Variants in KCNQ1OT1 observed in about 807,000 individuals in gnomAD.
KCNQ1OT1 encodes the protein KCNQ1 antisense RNA 2 (non-protein coding).
At chr11:2,656,711 G>A (rs1849855739) in exon 1 of KCNQ1OT1, 2 of 398,290 alleles carry the variant, frequency 5.0e-6, no homozygotes, top group Admixed American at 4.4e-5. Flanking sequence ...TTTGATGATT[G>A]GGTCTTAACT....
In KCNQ1OT1 at chr11:2,651,360, T is replaced by C. The variant is rs901428651; in HGVS notation, n.48635A>G. The C allele has an allele frequency of 2.8e-5, 11 of 398,734 alleles. No individual in the cohort carries two copies. The highest frequency in any genetic ancestry group is 8.8e-5 in the Admixed American group (2 of 22,740). The allele number at this position is 398,734 out of a possible 1,614,324, so 24.7% of individuals were successfully genotyped here. ...GCGGCTGAGAGAGCTGGGGTATTTA[T>C]CTTTCACTAGTGAGTGCTGCCCCGG... On this transcript the variant is annotated non_coding_transcript_exon_variant, in exon 1 of 1. Transcript: ENST00000597346. This position sits in a 1 kb window ranked among gnomAD's most constrained non-coding sequence, Gnocchi z 6.1.
exon 1 of KCNQ1OT1, chr11:2,688,582 T>C (rs1172225707): frequency 5.0e-6 from 2 of 398,590 alleles, no homozygotes; most frequent in Non-Finnish European, 4.4e-6. Flanking sequence ...CAGCCAGTGC[T>C]CGCTCACTGA....
Position 2,620,271 on chromosome 11 carries a change from C to T in KCNQ1OT1, n.79724G>A, listed in dbSNP as rs1284473352. 2 of 223,050 alleles carry T rather than the reference C, an allele frequency of 9.0e-6. No homozygotes were observed. Among genetic ancestry groups the T allele is most frequent in the Non-Finnish European group, 1.7e-5 (2 of 118,524 alleles). The allele number at this position is 223,050 out of a possible 1,614,324, so 13.8% of individuals were successfully genotyped here. ...CGCTCTTGTTGCCCAGGCTGGAGGG[C>T]AATGGCATGATCTCGGCTCACTGCA... On this transcript the variant is annotated non_coding_transcript_exon_variant, in exon 1 of 1. Transcript: ENST00000597346. This position sits in a 1 kb window ranked among gnomAD's most constrained non-coding sequence, Gnocchi z 4.5.
chr11:2,656,691 T>G lies in KCNQ1OT1; in HGVS notation n.43304A>C, dbSNP rs541210107. 563 of 398,538 alleles carry G rather than the reference T, an allele frequency of 1.4e-3. 3 individuals carry two copies. Among genetic ancestry groups the G allele is most frequent in the African/African-American group, 0.01 (491 of 48,734 alleles). 24.7% of individuals were successfully genotyped at this position (398,538 alleles called of 1,614,324 possible). On this transcript the variant is annotated non_coding_transcript_exon_variant, in exon 1 of 1. Coordinates refer to ENST00000597346, the Ensembl canonical transcript of KCNQ1OT1. ...TTGTGGGCACTGTCTTTTCACTCTT[T>G]AAGGTGTATTTTGATGATTGGGTCT...
chr11:2,663,354 T>C lies in KCNQ1OT1; in HGVS notation n.36641A>G. 2.5e-6 allele frequency: 1 copy of C among 398,810 alleles called. No individual in the cohort carries two copies. Among genetic ancestry groups the C allele is most frequent in the East Asian group, 3.6e-5 (1 of 28,070 alleles). 24.7% of individuals were successfully genotyped at this position (398,810 alleles called of 1,614,324 possible). A position where few individuals can be genotyped will look rare whatever the true frequency, so the allele number is the denominator to read the frequency against. On this transcript the variant is annotated non_coding_transcript_exon_variant, in exon 1 of 1. Transcript: ENST00000597346. This position sits in a 1 kb window ranked among gnomAD's most constrained non-coding sequence, Gnocchi z 5.2. The stretch of plus-strand genomic sequence containing the variant: ...AGGTGTGAGCAGGCTGGTAGCCAGA[T>C]GGGCTGCCCAGGTACAGGTCAGCAC...
chr11:2,673,616 C>T lies in KCNQ1OT1; in HGVS notation n.26379G>A. 2.5e-6 allele frequency: 1 copy of T among 398,778 alleles called. No homozygotes were observed. The highest frequency in any genetic ancestry group is 4.4e-5 in the Admixed American group (1 of 22,746). The allele number at this position is 398,778 out of a possible 1,614,324, so 24.7% of individuals were successfully genotyped here. A position where few individuals can be genotyped will look rare whatever the true frequency, so the allele number is the denominator to read the frequency against. On this transcript the variant is annotated non_coding_transcript_exon_variant, in exon 1 of 1. Coordinates refer to ENST00000597346, the Ensembl canonical transcript of KCNQ1OT1. The surrounding 1 kb of genome is among the most constrained non-coding windows in gnomAD (Gnocchi z 4.5). ...AGAGAAGCTAAACGTGACCAGCCTA[C>T]CCACCTTGCTACTGCTGATGACCAC...
chr11:2,688,515 G>A, exon 1 of KCNQ1OT1: 1 of 398,686 alleles, frequency 2.5e-6, no homozygotes, highest in Non-Finnish European at 4.4e-6. Context: ...ATGAGGTAGA[G>A]GTCACACAGC....
exon 1 of KCNQ1OT1, chr11:2,692,764 G>A (rs757503207): frequency 2.5e-6 from 1 of 398,554 alleles, no homozygotes; most frequent in African/African-American, 2.1e-5. Context: ...CCAGGGTCTA[G>A]TACCTGCTGA....
At chr11:2,655,218 G>A (rs773678858) in exon 1 of KCNQ1OT1, 41 of 398,614 alleles carry the variant, frequency 1.0e-4, no homozygotes, top group Admixed American at 4.8e-4. Context: ...TGGGGTAGTC[G>A]CCACGCCCGA....
Position 2,677,841 on chromosome 11 carries a change from C to CT in KCNQ1OT1, n.22153dup. The CT allele has an allele frequency of 2.5e-6, 1 of 398,496 alleles. No individual in the cohort carries two copies. 24.7% of individuals were successfully genotyped at this position (398,496 alleles called of 1,614,324 possible). A position where few individuals can be genotyped will look rare whatever the true frequency, so the allele number is the denominator to read the frequency against. On this transcript the variant is annotated non_coding_transcript_exon_variant, in exon 1 of 1. Coordinates refer to ENST00000597346, the Ensembl canonical transcript of KCNQ1OT1. This position sits in a 1 kb window ranked among gnomAD's most constrained non-coding sequence, Gnocchi z 4.5. ...TGTGATAGATACTGCCAAATAAGGG[C>CT]TGTACCATTTACATCACTTTGACTG... is the stretch of plus-strand genomic sequence containing the variant.
chr11:2,621,937 C>G lies in KCNQ1OT1; in HGVS notation n.78058G>C. On this transcript the variant is annotated non_coding_transcript_exon_variant, in exon 1 of 1. Coordinates refer to ENST00000597346, the Ensembl canonical transcript of KCNQ1OT1. This position sits in a 1 kb window ranked among gnomAD's most constrained non-coding sequence, Gnocchi z 5.7. ...TTGGCTTTAGTTTGTTCTTCTTTTT[C>G]TAATTCCTTGAGGTACAATTTTGGG... 1 of 398,066 alleles carries G rather than the reference C, an allele frequency of 2.5e-6. No homozygotes were observed. Among genetic ancestry groups the G allele is most frequent in the South Asian group, 1.3e-4 (1 of 7,842 alleles). The allele number at this position is 398,066 out of a possible 1,614,324, so 24.7% of individuals were successfully genotyped here.
chr11:2,674,832 T>TTAAA lies in KCNQ1OT1; in HGVS notation n.25162_25163insTTTA, dbSNP rs776700350. The TTAAA allele has an allele frequency of 3.3e-6, 1 of 303,390 alleles. No homozygotes were observed. The allele number at this position is 303,390 out of a possible 1,614,324, so 18.8% of individuals were successfully genotyped here. Reference sequence around the variant, plus strand: ...GCTTGTCACCCTAATAGCTGTTTTTTAAAAAAAAAAAAAAAAAAAAAAAAA... The same window carrying TTAAA: ...GCTTGTCACCCTAATAGCTGTTTTTTTAAAAAAAAAAAAAAAAAAAAAAAAAAAA... On this transcript the variant is annotated non_coding_transcript_exon_variant, in exon 1 of 1. Transcript: ENST00000597346. This position sits in a 1 kb window ranked among gnomAD's most constrained non-coding sequence, Gnocchi z 5.9.
At chr11:2,672,306 TG>T (rs1173762348) in exon 1 of KCNQ1OT1, 3 of 398,338 alleles carry the variant, frequency 7.5e-6, no homozygotes, top group Non-Finnish European at 1.3e-5. Flanking sequence ...GGGCTCCAGG[TG>T]GGAGCTCAAG....
chr11:2,692,779 T>C, exon 1 of KCNQ1OT1: 1 of 398,662 alleles, frequency 2.5e-6, no homozygotes, highest in Non-Finnish European at 4.4e-6. Flanking sequence ...TGCTGAGTGT[T>C]TGACAAATAT....
exon 1 of KCNQ1OT1, chr11:2,675,064 C>A (rs965686113): frequency 7.5e-6 from 3 of 398,592 alleles, no homozygotes; most frequent in Admixed American, 8.8e-5. Context: ...AGGGCAGAGC[C>A]CCTGGAGAGG....
At chr11:2,693,396 C>T (rs1850620748) in exon 1 of KCNQ1OT1, 1 of 398,726 alleles carries the variant, frequency 2.5e-6, no homozygotes, top group Non-Finnish European at 4.4e-6. Flanking sequence ...GGAGCTGGGC[C>T]TGGGCCTAAG....
At chr11:2,628,601 T>C (rs568898150) in exon 1 of KCNQ1OT1, 9 of 398,320 alleles carry the variant, frequency 2.3e-5, no homozygotes, top group Non-Finnish European at 3.1e-5. Context: ...TGCCTTTTCA[T>C]TTTGTTGTTT....
At chr11:2,630,998 C>A (rs1249814181) in exon 1 of KCNQ1OT1, 3 of 398,378 alleles carry the variant, frequency 7.5e-6, no homozygotes, top group Non-Finnish European at 1.3e-5. Flanking sequence ...TATCTTGCCG[C>A]TTTCAAAATT....
At chr11:2,689,248 T>C (rs1350659456) in exon 1 of KCNQ1OT1, 4 of 398,630 alleles carry the variant, frequency 1.0e-5, no homozygotes, top group Non-Finnish European at 8.8e-6. Flanking sequence ...AAGTCAGCCC[T>C]TGGAGGACGT....
Sources: gnomAD v4.1 joint callset for allele counts on GRCh38, gnomAD v4.1.1 for gene constraint, Gnocchi (gnomAD v3.1) non-coding constraint, MANE v1.5 for transcripts, NCBI Gene and HGNC (gene_info 2026-07-23, HGNC 2026-07-21) for gene names.